Variants in SP6 observed in about 807,000 individuals in gnomAD.
The protein encoded by SP6 is transcription factor Sp6.
In SP6, 10 loss-of-function variants were observed where a neutral mutation model predicts 23.4. That is an observed-to-expected ratio of 0.43 (90% confidence interval 0.26 to 0.72). The LOEUF (loss-of-function observed/expected upper bound fraction) is 0.72, where lower values mean the gene tolerates loss of function less well. SP6 is among the 30% of genes least tolerant of loss of function. SP6 has a pLI of 0.23. For synonymous variants in SP6, 238 were observed against 238.7 expected, an observed-to-expected ratio of 1.00 and a Z score of 0.03; for missense variants, 482 against 523.8, an observed-to-expected ratio of 0.92 and a Z score of 0.78.
chr17:47,874,797 C>A, the SP6 span, among the ~76,000 whole-genome samples: 4 of 152,164 alleles, frequency 2.6e-5, no homozygotes, highest in Admixed American at 2.0e-4. Context: ...CGCAAGAACA[C>A]AGGCTGCATC....
At chr17:47,866,618 G>T in the SP6 span, among the ~76,000 whole-genome samples, 1 of 152,188 alleles carries the variant, frequency 6.6e-6, no homozygotes, top group Non-Finnish European at 1.5e-5. Flanking sequence ...GACAGCCACC[G>T]TGAACAAAGG....
At position 47,846,950 on chromosome 17, in the gene SP6, G is replaced by A. The variant is rs1402399839; in HGVS notation, c.*349C>T. 4.1e-6 allele frequency: 1 copy of A among 244,130 alleles called. No individual in the cohort carries two copies. Among genetic ancestry groups the A allele is most frequent in the South Asian group, 1.4e-4 (1 of 6,968 alleles). The allele number at this position is 244,130 out of a possible 1,614,324, so 15.1% of individuals were successfully genotyped here. ...CCCCGGGCCGGCCCCACTTCTCTCT[G>A]CTCCGGGGACTGGGACTTGCTGTCT... On this transcript the variant is annotated 3_prime_UTR_variant, in exon 2 of 2. Coordinates refer to ENST00000536300, the MANE Select transcript of SP6 (RefSeq NM_001258248.2).
chr17:47,872,442 G>C, the SP6 span, among the ~76,000 whole-genome samples: 1 of 152,188 alleles, frequency 6.6e-6, no homozygotes, highest in Non-Finnish European at 1.5e-5. Context: ...TCTGGGCCGT[G>C]GGGGGAGCTA....
At position 47,850,903 on chromosome 17, in the gene SP6, C is replaced by G. The variant is rs2033947504; in HGVS notation, c.-58+16G>C. The G allele has an allele frequency of 6.6e-6, 1 of 152,354 alleles. No individual in the cohort carries two copies. Among genetic ancestry groups the G allele is most frequent in the South Asian group, 2.1e-4 (1 of 4,838 alleles). 9.4% of individuals were successfully genotyped at this position (152,354 alleles called of 1,614,324 possible). A position where few individuals can be genotyped will look rare whatever the true frequency, so the allele number is the denominator to read the frequency against. On this transcript the variant is annotated intron_variant, in intron 1 of 1. Coordinates refer to ENST00000536300, the MANE Select transcript of SP6 (RefSeq NM_001258248.2). The stretch of plus-strand genomic sequence containing the variant: ...CCGTAGCGCTCACCCCTGGCCACCC[C>G]GACCCGCGCTCCTACCTCGAGGCTG...
chr17:47,863,436 A>C, the SP6 span: 1 of 152,304 alleles, frequency 6.6e-6, no homozygotes, highest in East Asian at 1.9e-4. Context: ...TTGTTGAATA[A>C]GTTAATGGAA....
upstream of SP6, among the ~76,000 whole-genome samples, chr17:47,854,504 A>G (rs1026609993): frequency 2.6e-5 from 4 of 152,208 alleles, no homozygotes; most frequent in Non-Finnish European, 4.4e-5. Flanking sequence ...AATATGGCAG[A>G]ATTGATGACC....
chr17:47,861,174 CATT>C, the SP6 span, among the ~76,000 whole-genome samples: 1 of 152,182 alleles, frequency 6.6e-6, no homozygotes, highest in Non-Finnish European at 1.5e-5. Flanking sequence ...GCTCCCCCGT[CATT>C]ATCTGCTGCC....
upstream of SP6, among the ~76,000 whole-genome samples, chr17:47,856,828 A>G (rs2034001641): frequency 6.6e-6 from 1 of 152,004 alleles, no homozygotes; most frequent in South Asian, 2.1e-4. Context: ...CACACACCAG[A>G]ACCCAGTACC....
In SP6 at chr17:47,847,273, C is replaced by G; in HGVS notation, c.*26G>C. On this transcript the variant is annotated 3_prime_UTR_variant, in exon 2 of 2. Transcript: ENST00000536300. ...CTCGCATCCAGTGCCCCCCGGGATA[C>G]CCGCAGGGAGGCGGCACTGAGGAGC... 1 of 1,482,968 alleles carries G rather than the reference C, an allele frequency of 6.7e-7. No individual in the cohort carries two copies. Among genetic ancestry groups the G allele is most frequent in the Non-Finnish European group, 9.0e-7 (1 of 1,114,724 alleles). 91.9% of individuals were successfully genotyped at this position (1,482,968 alleles called of 1,614,324 possible).
the SP6 span, among the ~76,000 whole-genome samples, chr17:47,870,217 GAT>G: frequency 5.3e-5 from 8 of 152,274 alleles, no homozygotes; most frequent in African/African-American, 1.7e-4. Flanking sequence ...GAACCAATGA[GAT>G]AACTGGGATC....
At chr17:47,869,346 C>T in the SP6 span, among the ~76,000 whole-genome samples, 1 of 152,166 alleles carries the variant, frequency 6.6e-6, no homozygotes, top group African/African-American at 2.4e-5. Flanking sequence ...CTGGGACCAG[C>T]GATCTTAGCT....
upstream of SP6, among the ~76,000 whole-genome samples, chr17:47,852,247 C>T (rs1189315774): frequency 6.6e-6 from 1 of 152,104 alleles, no homozygotes; most frequent in African/African-American, 2.4e-5. Flanking sequence ...AATTTCAGCG[C>T]GCTCGCGGAG....
upstream of SP6, among the ~76,000 whole-genome samples, chr17:47,853,456 G>A (rs11654476): frequency 0.48 from 72,825 of 152,004 alleles, 18,585 homozygotes; most frequent in Non-Finnish European, 0.57. Context: ...TGACCTCTGG[G>A]CATTCCTGCC....
At chr17:47,852,943 T>C (rs1283740878), upstream of SP6, among the ~76,000 whole-genome samples, 1 of 152,166 alleles carries the variant, frequency 6.6e-6, no homozygotes, top group Non-Finnish European at 1.5e-5. Context: ...AATTATTAAA[T>C]AAGTCAGTTC....
Position 47,846,975 on chromosome 17 carries a change from T to C in SP6, c.*324A>G. The C allele has an allele frequency of 3.4e-6, 1 of 293,298 alleles. No individual in the cohort carries two copies. Among genetic ancestry groups the C allele is most frequent in the Non-Finnish European group, 6.3e-6 (1 of 158,496 alleles). The allele number at this position is 293,298 out of a possible 1,614,324, so 18.2% of individuals were successfully genotyped here. ...GCTCCGGGGACTGGGACTTGCTGTC[T>C]CCTCTAGCCTGTCCCCGCCAGCCAG... On this transcript the variant is annotated 3_prime_UTR_variant, in exon 2 of 2. Coordinates refer to ENST00000536300, the MANE Select transcript of SP6 (RefSeq NM_001258248.2).
In SP6 at chr17:47,846,941, C is replaced by T. The variant is rs1005201257; in HGVS notation, c.*358G>A. On this transcript the variant is annotated 3_prime_UTR_variant, in exon 2 of 2. Coordinates refer to ENST00000536300, the MANE Select transcript of SP6 (RefSeq NM_001258248.2). ...CCACCAGCGCCCCGGGCCGGCCCCA[C>T]TTCTCTCTGCTCCGGGGACTGGGAC... The T allele has an allele frequency of 4.4e-6, 1 of 228,618 alleles. No individual in the cohort carries two copies. Among genetic ancestry groups the T allele is most frequent in the Non-Finnish European group, 8.5e-6 (1 of 118,216 alleles). The allele number at this position is 228,618 out of a possible 1,614,324, so 14.2% of individuals were successfully genotyped here.
At chr17:47,875,991 T>G in the SP6 span, among the ~76,000 whole-genome samples, 3 of 152,244 alleles carry the variant, frequency 2.0e-5, no homozygotes, top group African/African-American at 7.2e-5. Context: ...CTGAGGAGCC[T>G]CCCCTGTCAC....
Position 47,848,497 on chromosome 17 carries a change from C to A in SP6, c.-57-11G>T, listed in dbSNP as rs897113075. The A allele has an allele frequency of 1.7e-5, 24 of 1,384,156 alleles. No homozygotes were observed. In the South Asian group the frequency reaches 3.7e-4, roughly 21 times the overall value. The allele number at this position is 1,384,156 out of a possible 1,614,324, so 85.7% of individuals were successfully genotyped here. A position where few individuals can be genotyped will look rare whatever the true frequency, so the allele number is the denominator to read the frequency against. On this transcript the variant is annotated splice_polypyrimidine_tract_variant and intron_variant, in intron 1 of 1. Coordinates refer to ENST00000536300, the MANE Select transcript of SP6 (RefSeq NM_001258248.2). This position sits in a 1 kb window ranked among gnomAD's most constrained non-coding sequence, Gnocchi z 5.3. ...CACCTCAGACGGGACCTAAAGGAGG[C>A]GAAGAAGCAGAAAAGTAAGGGAAAT...
At position 47,848,459 on chromosome 17, in the gene SP6, G is replaced by T; in HGVS notation, c.-30C>A. 6.8e-7 allele frequency: 1 copy of T among 1,472,220 alleles called. No homozygotes were observed. The highest frequency in any genetic ancestry group is 9.0e-7 in the Non-Finnish European group (1 of 1,108,606). 91.2% of individuals were successfully genotyped at this position (1,472,220 alleles called of 1,614,324 possible). ...GGGATCCGGGGTGGGGTGAGGGCAGGGACGGTCAGGGGCACCTCAGACGGG... is the reference window on the plus strand; with the variant it reads ...GGGATCCGGGGTGGGGTGAGGGCAGTGACGGTCAGGGGCACCTCAGACGGG... On this transcript the variant is annotated 5_prime_UTR_variant, in exon 2 of 2. Coordinates refer to ENST00000536300, the MANE Select transcript of SP6 (RefSeq NM_001258248.2). The surrounding 1 kb of genome is among the most constrained non-coding windows in gnomAD (Gnocchi z 5.3).
Sources: allele counts gnomAD v4.1 joint callset (sites outside exome capture counted in the v4.1 genomes callset), GRCh38; gene constraint gnomAD v4.1.1; non-coding constraint Gnocchi (gnomAD v3.1); transcripts MANE v1.5; gene names NCBI Gene and HGNC (gene_info 2026-07-23, HGNC 2026-07-21).